The following C4orf36 variants were observed in gnomAD, a reference collection of about 807,000 sequenced individuals.
The protein encoded by C4orf36 is uncharacterized protein C4orf36.
C4orf36 carries 11 observed loss-of-function variants against 12.2 expected under a neutral mutation model. The observed-to-expected ratio is 0.90, with a 90% CI of 0.57 to 1.49. The LOEUF (loss-of-function observed/expected upper bound fraction) is 1.49. Among genes scored for constraint, C4orf36 ranks in the 40% most tolerant of loss-of-function variants. C4orf36 has a pLI of 0.00. For synonymous variants in C4orf36, 54 were observed against 51.3 expected (o/e 1.05, Z -0.22); for missense variants, 137 against 133.9 (o/e 1.02, Z -0.11).
the C4orf36 span, among the ~76,000 whole-genome samples, chr4:86,904,669 GAATT>G: frequency 4.0e-5 from 6 of 150,694 alleles, no homozygotes; most frequent in Non-Finnish European, 8.9e-5. Flanking sequence ...TGAGGCAGGA[GAATT>G]GATTGAGCCC....
the C4orf36 span, chr4:86,934,779 C>G: frequency 6.6e-6 from 1 of 152,406 alleles, no homozygotes; most frequent in African/African-American, 2.4e-5. Flanking sequence ...GGGTCACCCT[C>G]GCGACCGGGG....
chr4:86,885,866 ACGT>A, intron 4 of C4orf36, among the ~76,000 whole-genome samples: 1 of 152,328 alleles, frequency 6.6e-6, no homozygotes, highest in Middle Eastern at 3.4e-3. Flanking sequence ...ATTTTGAGAT[ACGT>A]CCCATCAATA....
chr4:86,887,584 G>T (rs565339429), intron 4 of C4orf36, 174 bp downstream of exon 4: 5 of 610,514 alleles, frequency 8.2e-6, no homozygotes, highest in East Asian at 2.8e-5. Flanking sequence ...ACAAGAGTAT[G>T]TCAGGGACTC....
the C4orf36 span, among the ~76,000 whole-genome samples, chr4:86,912,100 C>T: frequency 6.6e-6 from 1 of 151,712 alleles, no homozygotes; most frequent in Non-Finnish European, 1.5e-5. Context: ...GCCTCGAACT[C>T]CTGACCGCAG....
the C4orf36 span, chr4:86,924,835 G>A: frequency 1.3e-5 from 2 of 152,208 alleles, no homozygotes; most frequent in African/African-American, 4.8e-5. Flanking sequence ...AAATACCTGA[G>A]ATTGGGTAAC....
the C4orf36 span, among the ~76,000 whole-genome samples, chr4:86,902,418 C>CAAAAAAAAAAAAAAAAAAA: frequency 3.4e-4 from 20 of 58,950 alleles, no homozygotes; most frequent in East Asian, 5.3e-4. Context: ...ATGAGACTCT[C>CAAAAAAAAAAAAAAAAAAA]AAAAAAAAAA....
the C4orf36 span, chr4:86,936,035 G>A: frequency 6.6e-6 from 1 of 152,144 alleles, no homozygotes; most frequent in Admixed American, 6.6e-5. Flanking sequence ...GGGCCTGCGG[G>A]CGGTTCGATA....
At chr4:86,911,811 C>G in the C4orf36 span, among the ~76,000 whole-genome samples, 5 of 152,058 alleles carry the variant, frequency 3.3e-5, no homozygotes, top group African/African-American at 4.8e-5. Flanking sequence ...CTCAGCCTTC[C>G]AAGCAGCTGG....
the C4orf36 span, among the ~76,000 whole-genome samples, chr4:86,904,534 A>G: frequency 1.4e-5 from 2 of 147,424 alleles, no homozygotes; most frequent in Admixed American, 1.4e-4. Context: ...GTGAGCCAAG[A>G]TCGCGCCACT....
chr4:86,915,503 G>A, the C4orf36 span, among the ~76,000 whole-genome samples: 1 of 152,208 alleles, frequency 6.6e-6, no homozygotes, highest in African/African-American at 2.4e-5. Flanking sequence ...AGGAGGGAAG[G>A]CTGGGCACGG....
At chr4:86,885,998 C>T (rs538548996) in intron 4 of C4orf36, among the ~76,000 whole-genome samples, 3,056 of 152,156 alleles carry the variant, frequency 0.02, 114 homozygotes, top group African/African-American at 0.069. Flanking sequence ...TGCTGGATTA[C>T]GTTTATTGAT....
chr4:86,919,315 C>CTTTTTTT, the C4orf36 span, among the ~76,000 whole-genome samples: 21 of 81,390 alleles, frequency 2.6e-4, no homozygotes, highest in African/African-American at 3.3e-4. Context: ...TTTTTTCCCC[C>CTTTTTTT]TTTTTTTTTT....
At chr4:86,897,109 C>T (rs1747610763), upstream of C4orf36, among the ~76,000 whole-genome samples, 1 of 152,066 alleles carries the variant, frequency 6.6e-6, no homozygotes, top group Non-Finnish European at 1.5e-5. Flanking sequence ...TCCTGTAATC[C>T]CAGCACTTTG....
the C4orf36 span, among the ~76,000 whole-genome samples, chr4:86,923,886 C>T: frequency 1.3e-5 from 2 of 151,880 alleles, no homozygotes; most frequent in African/African-American, 4.8e-5. Flanking sequence ...TATTATTACT[C>T]GTGCAAAATA....
chr4:86,887,064 G>C (rs1747199510), intron 4 of C4orf36: 1 of 151,406 alleles, frequency 6.6e-6, no homozygotes, highest in Non-Finnish European at 1.5e-5. Context: ...ATTGAAAAAT[G>C]AGAACACTTG....
chr4:86,935,981 A>T, the C4orf36 span: 1 of 152,132 alleles, frequency 6.6e-6, no homozygotes, highest in South Asian at 2.1e-4. Context: ...TGTGAATCAC[A>T]CGTTACCTTA....
chr4:86,891,651 A>G (rs1747420806), intron 1 of C4orf36, 58 bp from the exon 2 acceptor site: 2 of 1,447,474 alleles, frequency 1.4e-6, no homozygotes, highest in Non-Finnish European at 1.8e-6. Flanking sequence ...TTGTAGCCAA[A>G]TAATAGAAAA....
the C4orf36 span, chr4:86,914,392 T>G: frequency 3.6e-5 from 1 of 27,538 alleles, no homozygotes; most frequent in Non-Finnish European, 9.7e-5. Context: ...TTCTTCTTCC[T>G]TTTTTTTTTT....
the C4orf36 span, among the ~76,000 whole-genome samples, chr4:86,905,876 A>C: frequency 1.3e-5 from 2 of 151,988 alleles, no homozygotes; most frequent in Non-Finnish European, 2.9e-5. Flanking sequence ...CATCACGCCC[A>C]GCTGACTTTT....
Sources: gnomAD v4.1 joint callset for allele counts (sites outside exome capture counted in the v4.1 genomes callset) on GRCh38, gnomAD v4.1.1 for gene constraint, MANE v1.5 for transcripts, NCBI Gene and HGNC (gene_info 2026-07-23, HGNC 2026-07-21) for gene names.